Variants in KIAA1217 observed in about 807,000 individuals in gnomAD.
KIAA1217 encodes sickle tail protein homolog.
A neutral mutation model predicts 163.9 loss-of-function variants in KIAA1217; 88 were observed. The ratio of observed to expected loss-of-function variants is 0.54; its 90% CI spans 0.45 to 0.64. KIAA1217 has a LOEUF of 0.64. KIAA1217 is among the 30% of genes least tolerant of loss of function. The pLI, the probability that KIAA1217 is intolerant of heterozygous loss-of-function variation, is 0.00. For missense variants in KIAA1217, 2,372 were observed against 2,475.0 expected, an observed-to-expected ratio of 0.96 and a Z score of 0.88; for synonymous variants, 903 against 923.1, an observed-to-expected ratio of 0.98 and a Z score of 0.39.
chr10:23,930,705 A>G (rs12242421), intron 1 of KIAA1217, among the ~76,000 whole-genome samples: 8,967 of 152,294 alleles, frequency 0.059, 900 homozygotes, highest in African/African-American at 0.21. Flanking sequence ...TCTGTGATTC[A>G]TCAGGAAAAA....
At chr10:24,440,451 G>A (rs1009300517) in intron 5 of KIAA1217, among the ~76,000 whole-genome samples, 8 of 152,116 alleles carry the variant, frequency 5.3e-5, no homozygotes, top group African/African-American at 1.2e-4. Context: ...TTTCCACACC[G>A]GTGCCCCAGA....
At chr10:24,306,789 G>T (rs374477128) in intron 2 of KIAA1217, among the ~76,000 whole-genome samples, 2 of 152,228 alleles carry the variant, frequency 1.3e-5, no homozygotes, top group African/African-American at 4.8e-5. Context: ...AAGGGACATC[G>T]TGTCTTTCAC....
chr10:24,145,721 G>T (rs187942935), intron 2 of KIAA1217, among the ~76,000 whole-genome samples: 7 of 152,222 alleles, frequency 4.6e-5, no homozygotes, highest in Non-Finnish European at 8.8e-5. Flanking sequence ...CCGAAGGCCC[G>T]AGAGCCCCTG....
intron 1 of KIAA1217, among the ~76,000 whole-genome samples, chr10:23,956,175 C>T (rs896335130): frequency 6.6e-6 from 1 of 152,170 alleles, no homozygotes; most frequent in East Asian, 1.9e-4. Context: ...TAATGGCCTT[C>T]TTTTAATCTT....
intron 1 of KIAA1217, among the ~76,000 whole-genome samples, chr10:23,813,894 T>A (rs1245714256): frequency 1.3e-5 from 2 of 152,200 alleles, no homozygotes; most frequent in African/African-American, 4.8e-5. Flanking sequence ...AATCAAGTAG[T>A]AACTGTGTGA....
At chr10:23,962,656 A>G (rs1247667204) in intron 1 of KIAA1217, among the ~76,000 whole-genome samples, 2 of 152,244 alleles carry the variant, frequency 1.3e-5, no homozygotes, top group Non-Finnish European at 1.5e-5. Flanking sequence ...CAAGGAGTAC[A>G]TATAAAATAT....
In KIAA1217 at chr10:23,824,492, G is replaced by T. The variant is rs542869975; in HGVS notation, c.-321+129258G>T. Among the ~76,000 whole-genome samples the T allele has an allele frequency of 1.3e-4, 10 of 76,340 alleles. No individual in the cohort carries two copies. In the East Asian group the frequency reaches 3.0e-3, roughly 23 times the overall value. The allele number at this position is 76,340 out of a possible 152,430, so 50.1% of individuals were successfully genotyped here. ...AAAATACAAAAATTAGCTCAGCATGGTGACATGGGCCTCTAATCCCAGCTA... is the reference window on the plus strand; with the variant it reads ...AAAATACAAAAATTAGCTCAGCATGTTGACATGGGCCTCTAATCCCAGCTA... On this transcript the variant is annotated intron_variant, in intron 1 of 18. Coordinates refer to the KIAA1217 transcript ENST00000376462.
At chr10:23,883,933 T>C (rs1841062215) in intron 1 of KIAA1217, among the ~76,000 whole-genome samples, 1 of 151,982 alleles carries the variant, frequency 6.6e-6, no homozygotes, top group African/African-American at 2.4e-5. Flanking sequence ...CTCCGCATAT[T>C]TTCATGACAT....
chr10:23,697,821 G>A (rs1836146020), intron 1 of KIAA1217, among the ~76,000 whole-genome samples: 1 of 151,732 alleles, frequency 6.6e-6, no homozygotes, highest in Admixed American at 6.6e-5. Flanking sequence ...AGGCTGCAGT[G>A]AGCTGAGATC....
chr10:23,703,281 T>C lies in KIAA1217; in HGVS notation c.-321+8047T>C, dbSNP rs1046033233. Among the ~76,000 whole-genome samples, 4 of 151,956 alleles carry C rather than the reference T, an allele frequency of 2.6e-5. No homozygotes were observed. The East Asian group carries it at 7.7e-4, about 29-fold the overall frequency. On this transcript the variant is annotated intron_variant, in intron 1 of 18. Coordinates refer to the KIAA1217 transcript ENST00000376462. ...CAGTGTGGGAGTGGTGGAGGGAGGA[T>C]CAGAGAGACACTTTGAGTCTGAAGT...
At chr10:24,094,292 C>T (rs547294787) in intron 2 of KIAA1217, among the ~76,000 whole-genome samples, 59 of 152,332 alleles carry the variant, frequency 3.9e-4, no homozygotes, top group African/African-American at 1.3e-3. Flanking sequence ...TCCTATTTCT[C>T]CACATCCTCT....
intron 2 of KIAA1217, among the ~76,000 whole-genome samples, chr10:24,317,555 G>A (rs558178036): frequency 4.5e-4 from 68 of 152,314 alleles, no homozygotes; most frequent in African/African-American, 1.6e-3. Flanking sequence ...GTTGATAATA[G>A]GTTTGGTGGA....
At chr10:24,128,282 C>T (rs950859512) in intron 2 of KIAA1217, among the ~76,000 whole-genome samples, 2 of 152,132 alleles carry the variant, frequency 1.3e-5, no homozygotes, top group Non-Finnish European at 2.9e-5. Context: ...AACCTCAATT[C>T]GACCCCTCAT....
chr10:24,056,879 C>T (rs922664964), intron 2 of KIAA1217, among the ~76,000 whole-genome samples: 18 of 152,096 alleles, frequency 1.2e-4, no homozygotes, highest in African/African-American at 4.3e-4. Flanking sequence ...AAAAATAGAT[C>T]TTCTAGAAAT....
intron 6 of KIAA1217, among the ~76,000 whole-genome samples, chr10:24,488,332 G>A (rs2065668758): frequency 1.3e-5 from 2 of 152,138 alleles, no homozygotes; most frequent in Admixed American, 6.5e-5. Flanking sequence ...GGTAGTGGTA[G>A]GGAACTTAGG....
intron 1 of KIAA1217, among the ~76,000 whole-genome samples, chr10:23,807,902 C>T (rs1206775504): frequency 6.6e-6 from 1 of 152,114 alleles, no homozygotes; most frequent in African/African-American, 2.4e-5. Context: ...CAGTTCAGGC[C>T]TTACTCTTAG....
chr10:23,707,613 A>G (rs937917985), intron 1 of KIAA1217, among the ~76,000 whole-genome samples: 3 of 152,182 alleles, frequency 2.0e-5, no homozygotes, highest in Admixed American at 6.5e-5. Flanking sequence ...GGGTTGAAAA[A>G]TTACCTGTTA....
At chr10:24,298,047 A>G (rs1000072184) in intron 2 of KIAA1217, among the ~76,000 whole-genome samples, 12 of 152,180 alleles carry the variant, frequency 7.9e-5, no homozygotes, top group African/African-American at 2.9e-4. Context: ...AATAGACTCT[A>G]AAAATATTTT....
At chr10:24,234,233 T>C (rs1038373277) in intron 2 of KIAA1217, among the ~76,000 whole-genome samples, 1 of 151,336 alleles carries the variant, frequency 6.6e-6, no homozygotes, top group Non-Finnish European at 1.5e-5. Flanking sequence ...TTAGGGATGC[T>C]CAACTGGTAG....
Sources: gnomAD v4.1 joint callset for allele counts (sites outside exome capture counted in the v4.1 genomes callset) on GRCh38, gnomAD v4.1.1 for gene constraint, MANE v1.5 for transcripts, NCBI Gene and HGNC (gene_info 2026-07-23, HGNC 2026-07-21) for gene names.